SYT7: variants seen among roughly 807,000 people sequenced by gnomAD.
SYT7 encodes the protein synaptotagmin-7.
In SYT7, 29 loss-of-function variants were observed where a neutral mutation model predicts 75.1. The ratio of observed to expected loss-of-function variants is 0.39; its 90% CI spans 0.29 to 0.53. The LOEUF (loss-of-function observed/expected upper bound fraction) is 0.53. Among genes scored for constraint, SYT7 ranks in the 20% least tolerant of loss-of-function variants. The pLI is 0.77. For synonymous variants in SYT7, 376 were observed against 401.7 expected (o/e 0.94, Z 0.76); for missense variants, 693 against 953.2 (o/e 0.73, Z 3.59).
At chr11:61,570,498 A>G (rs2063893873) in intron 1 of SYT7, among the ~76,000 whole-genome samples, 2 of 152,188 alleles carry the variant, frequency 1.3e-5, no homozygotes, top group African/African-American at 4.8e-5. Flanking sequence ...CCCTAAAAGT[A>G]TGTGTCACTA....
intron 5 of SYT7, among the ~76,000 whole-genome samples, chr11:61,545,376 CAGTGGTGGGAT>C (rs2063153822): frequency 6.6e-6 from 1 of 152,230 alleles, no homozygotes; most frequent in African/African-American, 2.4e-5. Context: ...TCCCAACAGC[CAGTGGTGGGAT>C]AGCTCGGTGA....
chr11:61,587,711 G>A, the SYT7 span, among the ~76,000 whole-genome samples: 1 of 152,028 alleles, frequency 6.6e-6, no homozygotes, highest in Non-Finnish European at 1.5e-5. Flanking sequence ...TGGGCTCGAG[G>A]CCTGCCCCTC....
upstream of SYT7, among the ~76,000 whole-genome samples, chr11:61,585,651 A>C (rs2064371155): frequency 6.6e-6 from 1 of 152,012 alleles, no homozygotes; most frequent in Admixed American, 6.5e-5. Context: ...CTCTATACCC[A>C]CCTCATCACC....
intron 3 of SYT7, among the ~76,000 whole-genome samples, chr11:61,549,878 T>C (rs571727613): frequency 1.1e-4 from 17 of 151,928 alleles, no homozygotes; most frequent in African/African-American, 3.9e-4. Context: ...CTGTCTCCTC[T>C]TGTGGGCCCT....
chr11:61,526,599 C>T (rs1261277429), intron 9 of SYT7: 8 of 152,198 alleles, frequency 5.3e-5, no homozygotes, highest in African/African-American at 1.9e-4. Context: ...TTTCTACATC[C>T]CCAGTACGTA....
chr11:61,519,306 C>T lies in SYT7; in HGVS notation c.1957-575G>A, dbSNP rs1171114956. On this transcript the variant is annotated intron_variant, in intron 12 of 12. Coordinates refer to ENST00000539008, the MANE Select transcript of SYT7 (RefSeq NM_001365809.2). ...CCAGGTCTTTGGAGCTCTATGCTACCGGCCTAATCCTGCTTCGCAGCCTCA... is the reference window on the plus strand; with the variant it reads ...CCAGGTCTTTGGAGCTCTATGCTACTGGCCTAATCCTGCTTCGCAGCCTCA... Among the ~76,000 whole-genome samples the T allele has an allele frequency of 3.9e-5, 6 of 152,212 alleles. No individual in the cohort carries two copies. The South Asian group carries it at 8.3e-4, about 21-fold the overall frequency.
intron 5 of SYT7, among the ~76,000 whole-genome samples, chr11:61,544,186 T>C (rs1032704647): frequency 3.9e-5 from 6 of 152,168 alleles, no homozygotes; most frequent in Admixed American, 2.0e-4. Context: ...ACCTCTGGTC[T>C]AGGGCCATGG....
In SYT7 at chr11:61,544,651, A is replaced by T. The variant is rs1016072270; in HGVS notation, c.572+1380T>A. On this transcript the variant is annotated intron_variant, in intron 5 of 12. Transcript: ENST00000539008. ...TCCTATCACATCCAAAATTAGTCCA[A>T]TTTACAACCTCTCAGTCACAGGAAA... Among the ~76,000 whole-genome samples the T allele has an allele frequency of 1.3e-5, 2 of 152,110 alleles. 1 individual carries two copies. The highest frequency in any genetic ancestry group is 3.9e-4 in the East Asian group (2 of 5,176).
intron 6 of SYT7, 80 bp from the exon 7 acceptor site, chr11:61,538,346 GGA>G (rs58071370): frequency 0.035 from 7,063 of 202,476 alleles, 35 homozygotes; most frequent in African/African-American, 0.1. Context: ...GGAGAGAGAG[GGA>G]GAGAGAGAGA....
rs746409707 is a variant in SYT7, at chr11:61,551,794, G to A, written c.136-331C>T. On this transcript the variant is annotated intron_variant, in intron 2 of 12. Transcript: ENST00000539008. This position sits in a 1 kb window ranked among gnomAD's most constrained non-coding sequence, Gnocchi z 5.3. ...CCAGAAACACAGTTCCCTCTGCCACGGACAGACGGCTCTCAGGCGCCTGGC... is the reference window on the plus strand; with the variant it reads ...CCAGAAACACAGTTCCCTCTGCCACAGACAGACGGCTCTCAGGCGCCTGGC... Among the ~76,000 whole-genome samples the A allele has an allele frequency of 2.6e-5, 4 of 152,162 alleles. No individual in the cohort carries two copies. The highest frequency in any genetic ancestry group is 5.9e-5 in the Non-Finnish European group (4 of 68,024).
In SYT7 at chr11:61,575,593, G is replaced by A. The variant is rs368866075; in HGVS notation, c.31+5197C>T. Reference sequence around the variant, plus strand: ...ACACAGCCAGGTAAGGCCCTGCTCCGAGCAGACGAGGCCTTCATGGCCATG... The same window carrying A: ...ACACAGCCAGGTAAGGCCCTGCTCCAAGCAGACGAGGCCTTCATGGCCATG... On this transcript the variant is annotated intron_variant, in intron 1 of 12. Coordinates refer to ENST00000539008, the MANE Select transcript of SYT7 (RefSeq NM_001365809.2). Among the ~76,000 whole-genome samples the A allele has an allele frequency of 4.6e-5, 7 of 152,310 alleles. No individual in the cohort carries two copies. In the South Asian group the frequency reaches 8.3e-4, roughly 18 times the overall value.
chr11:61,559,842 C>A (rs951173302), intron 1 of SYT7, among the ~76,000 whole-genome samples: 1 of 152,208 alleles, frequency 6.6e-6, no homozygotes, highest in African/African-American at 2.4e-5. Context: ...CAACAAAACA[C>A]CCATCTTAAG....
chr11:61,540,896 G>C, intron 6 of SYT7: 6 of 985,466 alleles, frequency 6.1e-6, no homozygotes, highest in Non-Finnish European at 7.2e-6. Context: ...GGCTCTTCTG[G>C]GCATCTCATC....
At position 61,546,584 on chromosome 11, in the gene SYT7, G is replaced by C. The variant is rs1377388118; in HGVS notation, c.348-329C>G. On this transcript the variant is annotated intron_variant, in intron 4 of 12. Transcript: ENST00000539008. The surrounding 1 kb of genome is among the most constrained non-coding windows in gnomAD (Gnocchi z 7.6). ...CCCCACCGCCTGGGGCAGGGGCGGC[G>C]GGGGTTGGGGGAGGGCAGCCACCTC... The C allele has an allele frequency of 2.9e-5, 14 of 482,572 alleles. No homozygotes were observed. The highest frequency in any genetic ancestry group is 4.9e-5 in the Non-Finnish European group (12 of 247,212). 29.9% of individuals were successfully genotyped at this position (482,572 alleles called of 1,614,324 possible). A position where few individuals can be genotyped will look rare whatever the true frequency, so the allele number is the denominator to read the frequency against.
chr11:61,546,338 C>G lies in SYT7; in HGVS notation c.348-83G>C, dbSNP rs939691696. 6.4e-5 allele frequency: 58 copies of G among 911,172 alleles called. No individual in the cohort carries two copies. The Admixed American group carries it at 6.5e-4, about 10-fold the overall frequency. 56.4% of individuals were successfully genotyped at this position (911,172 alleles called of 1,614,324 possible). A position where few individuals can be genotyped will look rare whatever the true frequency, so the allele number is the denominator to read the frequency against. ...GAGAGGGCAGGCCATACGTGGGGGT[C>G]GGGGGGTGGAAGAGGAAGAAAAACA... On this transcript the variant is annotated intron_variant, in intron 4 of 12. Coordinates refer to ENST00000539008, the MANE Select transcript of SYT7 (RefSeq NM_001365809.2). The surrounding 1 kb of genome is among the most constrained non-coding windows in gnomAD (Gnocchi z 7.6).
chr11:61,535,471 G>A (rs1214384915), intron 7 of SYT7, among the ~76,000 whole-genome samples: 1 of 152,240 alleles, frequency 6.6e-6, no homozygotes. Flanking sequence ...ACAGCATGAG[G>A]GGGTGGACAC....
At chr11:61,535,043 C>G (rs1313258070) in intron 7 of SYT7, among the ~76,000 whole-genome samples, 1 of 152,190 alleles carries the variant, frequency 6.6e-6, no homozygotes, top group Non-Finnish European at 1.5e-5. Flanking sequence ...TGCCAAGCAG[C>G]CTGGGAAAGA....
chr11:61,535,044 C>A (rs1294499818), intron 7 of SYT7, among the ~76,000 whole-genome samples: 1 of 152,188 alleles, frequency 6.6e-6, no homozygotes, highest in East Asian at 1.9e-4. Flanking sequence ...GCCAAGCAGC[C>A]TGGGAAAGAT....
intron 1 of SYT7, among the ~76,000 whole-genome samples, chr11:61,556,501 T>C (rs575893322): frequency 6.6e-6 from 1 of 152,306 alleles, no homozygotes; most frequent in East Asian, 1.9e-4. Flanking sequence ...GCCTCCAAAC[T>C]TGAGACCCTC....
Sources: allele counts gnomAD v4.1 joint callset (sites outside exome capture counted in the v4.1 genomes callset), GRCh38; gene constraint gnomAD v4.1.1; non-coding constraint Gnocchi (gnomAD v3.1); transcripts MANE v1.5; gene names NCBI Gene and HGNC (gene_info 2026-07-23, HGNC 2026-07-21).